GRM1: variants seen among roughly 807,000 people sequenced by gnomAD.
GRM1 encodes the protein metabotropic glutamate receptor 1.
GRM1 carries 33 observed loss-of-function variants against 90.9 expected under a neutral mutation model. The ratio of observed to expected loss-of-function variants is 0.36; its 90% confidence interval spans 0.28 to 0.49. GRM1 has a LOEUF of 0.49. GRM1 is among the 20% of genes least tolerant of loss of function. The probability of loss-of-function intolerance (pLI) is 0.99; values close to 1 mark genes in which losing one functional copy is unlikely to be tolerated. For missense variants in GRM1, 1,190 were observed against 1,534.3 expected (o/e 0.78, Z 3.75); for synonymous variants, 700 against 613.2 (o/e 1.14, Z -2.09).
chr6:146,298,436 A>G (rs1783262931), intron 2 of GRM1, among the ~76,000 whole-genome samples: 1 of 152,212 alleles, frequency 6.6e-6, no homozygotes, highest in Non-Finnish European at 1.5e-5. Flanking sequence ...TGAGTTCACT[A>G]TGGGACCTAG....
At chr6:146,402,568 T>C (rs941109891) in intron 7 of GRM1, among the ~76,000 whole-genome samples, 1 of 151,928 alleles carries the variant, frequency 6.6e-6, no homozygotes, top group Non-Finnish European at 1.5e-5. Context: ...ACCCAATGAG[T>C]TTATTGCTAT....
At chr6:146,295,843 AG>A (rs1392343397) in intron 2 of GRM1, among the ~76,000 whole-genome samples, 1 of 152,086 alleles carries the variant, frequency 6.6e-6, no homozygotes, top group African/African-American at 2.4e-5. Flanking sequence ...TACTAAGCCT[AG>A]TACCCAATTG....
chr6:146,214,380 G>C (rs1379596794), intron 2 of GRM1, among the ~76,000 whole-genome samples: 1 of 152,172 alleles, frequency 6.6e-6, no homozygotes, highest in Non-Finnish European at 1.5e-5. Context: ...TAAACTCCAT[G>C]AAAGAAAACA....
chr6:146,274,132 T>G (rs1387916468), intron 2 of GRM1, among the ~76,000 whole-genome samples: 3 of 152,078 alleles, frequency 2.0e-5, no homozygotes, highest in Non-Finnish European at 4.4e-5. Context: ...TGAGTGCTTT[T>G]TATTTATTAA....
At chr6:146,370,333 C>T (rs897812764) in intron 5 of GRM1, among the ~76,000 whole-genome samples, 3 of 151,944 alleles carry the variant, frequency 2.0e-5, no homozygotes, top group Non-Finnish European at 4.4e-5. Context: ...AATGACAGCT[C>T]CTCATGGGTA....
intron 2 of GRM1, among the ~76,000 whole-genome samples, chr6:146,198,592 A>G (rs1296384611): frequency 6.6e-6 from 1 of 152,172 alleles, no homozygotes. Context: ...CCATACACCT[A>G]GTGGGCCCAC....
At chr6:146,171,921 G>T (rs1337633201) in intron 2 of GRM1, 1 of 207,578 alleles carries the variant, frequency 4.8e-6, no homozygotes, top group Non-Finnish European at 1.0e-5. Context: ...ATAGGGCATA[G>T]AGCCCTGCCT....
At chr6:146,330,620 G>A (rs1583335884) in intron 3 of GRM1, among the ~76,000 whole-genome samples, 2 of 151,838 alleles carry the variant, frequency 1.3e-5, no homozygotes, top group South Asian at 4.2e-4. Context: ...CTTAATTCTG[G>A]CAAGTCTAAA....
At chr6:146,091,311 G>C (rs924536568) in intron 1 of GRM1, among the ~76,000 whole-genome samples, 1 of 152,066 alleles carries the variant, frequency 6.6e-6, no homozygotes. Context: ...CTCCACTATG[G>C]GAAAGTGAGG....
intron 1 of GRM1, among the ~76,000 whole-genome samples, chr6:146,078,131 G>C (rs1776248572): frequency 1.3e-5 from 2 of 152,216 alleles, no homozygotes; most frequent in African/African-American, 2.4e-5. Flanking sequence ...TGTGTGATGA[G>C]AGGAGTAAGC....
chr6:146,434,704 C>T lies in GRM1; in HGVS notation c.3493C>T (p.Pro1165Ser). ...CTCGGGCAGCTCGGTGCCCAGCTCC[C>T]CCGTGTCCGAGTCGGTGCTCTGCAC... ...VASGSSVPSS[P>S]VSESVLCTPP... The change falls in exon 8 of 8, where the codon CCC (proline) becomes TCC (serine). Residue 1165 changes from proline to serine, a missense_variant. Physicochemically the swap from Pro to Ser is moderately conservative, Grantham distance 74 (BLOSUM62 -1). Around this residue, in one of 10 missense-constraint regions of GRM1, gnomAD observed 48 missense variants for 48.5 expected, o/e 0.99. Transcript: ENST00000282753. 6.2e-7 allele frequency: 1 copy of T among 1,604,176 alleles called. No homozygotes were observed. Among genetic ancestry groups the T allele is most frequent in the Non-Finnish European group, 8.5e-7 (1 of 1,179,946 alleles).
At chr6:146,074,261 A>T (rs1334634491) in intron 1 of GRM1, among the ~76,000 whole-genome samples, 6 of 152,136 alleles carry the variant, frequency 3.9e-5, no homozygotes, top group African/African-American at 1.2e-4. Context: ...TGCAGCCTTC[A>T]TCTCGAAAAG....
intron 5 of GRM1, among the ~76,000 whole-genome samples, chr6:146,383,422 G>A (rs60227373): frequency 6.6e-6 from 1 of 152,052 alleles, no homozygotes; most frequent in Non-Finnish European, 1.5e-5. Context: ...GGCTCTTACT[G>A]TACTGCTTAT....
intron 1 of GRM1, among the ~76,000 whole-genome samples, chr6:146,124,848 C>T (rs574499530): frequency 2.6e-5 from 4 of 152,242 alleles, no homozygotes; most frequent in African/African-American, 9.6e-5. Flanking sequence ...TGCAGGTTGA[C>T]ATTAATAACC....
chr6:146,420,109 G>A (rs1029182380), intron 7 of GRM1, among the ~76,000 whole-genome samples: 3 of 152,202 alleles, frequency 2.0e-5, no homozygotes, highest in Non-Finnish European at 2.9e-5. Flanking sequence ...TAAAAGATAA[G>A]CTGAATACAT....
At chr6:146,030,726 T>G (rs553324220) in intron 1 of GRM1, among the ~76,000 whole-genome samples, 1 of 152,358 alleles carries the variant, frequency 6.6e-6, no homozygotes, top group Admixed American at 6.5e-5. Flanking sequence ...TCCAAAACTT[T>G]CCTGTGAATG....
At chr6:146,259,620 A>G (rs1781607619) in intron 2 of GRM1, among the ~76,000 whole-genome samples, 1 of 152,122 alleles carries the variant, frequency 6.6e-6, no homozygotes, top group Non-Finnish European at 1.5e-5. Flanking sequence ...ATGTTGTTTC[A>G]GATGGTAGAG....
rs73577179 is a variant in GRM1 at position 146,308,271 on chromosome 6, C to G, written c.1186+3425C>G. Reference sequence around the variant, plus strand: ...TGCATGACCTCACTTAACCTCAGAACCTCAGTTTTGGTAACATGACAACAA... The same window carrying G: ...TGCATGACCTCACTTAACCTCAGAAGCTCAGTTTTGGTAACATGACAACAA... On this transcript the variant is annotated intron_variant, in intron 3 of 7. Coordinates refer to ENST00000282753, the MANE Select transcript of GRM1 (RefSeq NM_001278064.2). Among the ~76,000 whole-genome samples the G allele has an allele frequency of 8.5e-3, 1,300 of 152,250 alleles. 21 individuals are homozygous for G. The highest frequency in any genetic ancestry group is 0.03 in the African/African-American group (1,234 of 41,528).
At chr6:146,247,667 T>A (rs865923127) in intron 2 of GRM1, among the ~76,000 whole-genome samples, 2 of 150,454 alleles carry the variant, frequency 1.3e-5, no homozygotes, top group Admixed American at 6.6e-5. Context: ...AGGAGAATCA[T>A]TAGGACCCGG....
Sources: allele counts gnomAD v4.1 joint callset (sites outside exome capture counted in the v4.1 genomes callset), GRCh38; gene constraint gnomAD v4.1.1; regional missense constraint gnomAD v4.1.1; transcripts MANE v1.5; gene names NCBI Gene and HGNC (gene_info 2026-07-23, HGNC 2026-07-21).